Variants in VPS72 observed in about 807,000 individuals in gnomAD.
VPS72 encodes vacuolar protein sorting 72 homolog.
Under a neutral mutation model 38.9 loss-of-function variants are expected in VPS72, and 27 were observed. The ratio of observed to expected loss-of-function variants is 0.69; its 90% CI spans 0.51 to 0.96. VPS72 has a LOEUF of 0.96. Ranked by LOEUF, VPS72 falls within the 40% of genes least tolerant of loss-of-function variation. The pLI is 0.00. For missense variants in VPS72, 360 were observed against 479.5 expected (o/e 0.75, Z 2.33); for synonymous variants, 173 against 186.3 (o/e 0.93, Z 0.58).
intron 4 of VPS72, among the ~76,000 whole-genome samples, chr1:151,179,883 C>T (rs1684201740): frequency 6.6e-6 from 1 of 151,756 alleles, no homozygotes. Context: ...AAGAGTGAAA[C>T]TCCATCTCCA....
chr1:151,184,590 CTTTTTTTTT>C lies in VPS72; in HGVS notation c.386-106_386-98del. On this transcript the variant is annotated intron_variant, in intron 3 of 5. Coordinates refer to ENST00000368892, the MANE Select transcript of VPS72 (RefSeq NM_005997.3). ...TTGTACTTGGAAATAATTTTTTTTTCTTTTTTTTTTTTTGAGATGGAATCTCGCTCTGTC... is the reference window on the plus strand; with the variant it reads ...TTGTACTTGGAAATAATTTTTTTTTCTTTTGAGATGGAATCTCGCTCTGTC... 9 of 1,019,034 alleles carry C rather than the reference CTTTTTTTTT, an allele frequency of 8.8e-6. No individual in the cohort carries two copies. The South Asian group carries it at 1.9e-4, about 21-fold the overall frequency. 63.1% of individuals were successfully genotyped at this position (1,019,034 alleles called of 1,614,324 possible).
chr1:151,183,421 C>CAAA (rs769884773), intron 4 of VPS72, among the ~76,000 whole-genome samples: 73 of 50,776 alleles, frequency 1.4e-3, no homozygotes, highest in Middle Eastern at 0.014. Context: ...GACTCTGTCT[C>CAAA]AAAAAAAAAA....
intron 5 of VPS72, among the ~76,000 whole-genome samples, chr1:151,177,690 C>G (rs1345864897): frequency 6.6e-6 from 1 of 151,830 alleles, no homozygotes; most frequent in Non-Finnish European, 1.5e-5. Flanking sequence ...ACCGTCTCTA[C>G]AAAAAATACA....
chr1:151,187,977 G>A (rs1051233256), intron 1 of VPS72, among the ~76,000 whole-genome samples: 6 of 151,942 alleles, frequency 3.9e-5, no homozygotes, highest in African/African-American at 9.7e-5. Context: ...CTTAGAGGAG[G>A]GATGAGAAAG....
intron 4 of VPS72, among the ~76,000 whole-genome samples, chr1:151,179,339 C>T (rs1194434312): frequency 6.6e-6 from 1 of 152,040 alleles, no homozygotes; most frequent in African/African-American, 2.4e-5. Context: ...GTGGCTCACA[C>T]CTGTAACCCC....
chr1:151,176,886 T>C lies in VPS72; in HGVS notation c.853A>G (p.Lys285Glu), dbSNP rs766627913. The stretch of plus-strand genomic sequence containing the variant: ...GGACAGACCTCACGAACAGGGACTT[T>C]TGGGGGCCGCCCTTGGGGGAACCAT... ...EEWFPQGRPP[K>E]VPVREVCPVT... Residue 285 changes from lysine (K) to glutamate (E), a missense_variant, in exon 6 of 6, where the codon AAA becomes GAA. Around this residue, in one of 2 missense-constraint regions of VPS72, gnomAD observed 294 missense variants for 356.3 expected, o/e 0.83. Coordinates refer to ENST00000368892, the MANE Select transcript of VPS72 (RefSeq NM_005997.3). 1.4e-5 allele frequency: 22 copies of C among 1,614,036 alleles called. No homozygotes were observed. Among genetic ancestry groups the C allele is most frequent in the Non-Finnish European group, 1.8e-5 (21 of 1,180,030 alleles).
intron 1 of VPS72, 33 bp downstream of exon 1, chr1:151,189,972 C>T (rs1684430439): frequency 6.2e-7 from 1 of 1,610,890 alleles, no homozygotes; most frequent in Non-Finnish European, 8.5e-7. Flanking sequence ...CTCTTTGCCT[C>T]CTCCCCTCCC....
rs1226215573 is a variant in VPS72, at chr1:151,176,550, C to A, written c.*94G>T. On this transcript the variant is annotated 3_prime_UTR_variant, in exon 6 of 6. Coordinates refer to ENST00000368892, the MANE Select transcript of VPS72 (RefSeq NM_005997.3). ...AAAAAGAAACAGATTAGGCAAAGAT[C>A]AGAGATGACAAAGGGGAGAAGCAGG... 6 of 1,516,532 alleles carry A rather than the reference C, an allele frequency of 4.0e-6. No individual in the cohort carries two copies. The highest frequency in any genetic ancestry group is 1.4e-5 in the African/African-American group (1 of 71,710). The allele number at this position is 1,516,532 out of a possible 1,614,324, so 93.9% of individuals were successfully genotyped here. A position where few individuals can be genotyped will look rare whatever the true frequency, so the allele number is the denominator to read the frequency against.
intron 3 of VPS72, 120 bp downstream of exon 3, chr1:151,185,386 A>G: frequency 1.0e-6 from 1 of 970,650 alleles, no homozygotes; most frequent in South Asian, 1.4e-5. Flanking sequence ...TAGGCCTCCC[A>G]AAGTGCTGGG....
chr1:151,185,976 G>A, intron 1 of VPS72, 26 bp from the exon 2 acceptor site: 1 of 1,611,302 alleles, frequency 6.2e-7, no homozygotes, highest in Non-Finnish European at 8.5e-7. Flanking sequence ...GATAAGGGTT[G>A]GCTGGCAATG....
Position 151,184,328 on chromosome 1 carries a change from A to T in VPS72, c.551T>A (p.Leu184Ter), listed in dbSNP as rs1202703525. ...AACCACAGACTTACCCAGTGACCGT[A>T]AATTAAGCTCTTCTGTGATCTTGGC... is the stretch of plus-strand genomic sequence containing the variant. ...REAKITEELNLRSLETYERLE... is the reference protein window; with the variant it reads ...REAKITEELN The change falls in exon 4 of 6, where the codon TTA becomes TAA. Residue 184 changes from leucine (L) to a stop codon, truncating the protein, a stop_gained. Transcript: ENST00000368892. LOFTEE classifies it high-confidence loss of function. The T allele has an allele frequency of 1.2e-5, 20 of 1,613,894 alleles. No individual in the cohort carries two copies. Among genetic ancestry groups the T allele is most frequent in the Non-Finnish European group, 1.5e-5 (18 of 1,179,996 alleles).
chr1:151,178,968 A>G (rs189992017), intron 4 of VPS72, among the ~76,000 whole-genome samples: 222 of 152,324 alleles, frequency 1.5e-3, no homozygotes, highest in Middle Eastern at 3.4e-3. Context: ...ACAGGCACTC[A>G]TTAAATATTT....
intron 1 of VPS72, 109 bp downstream of exon 1, chr1:151,189,896 C>T (rs1327049028): frequency 3.1e-6 from 4 of 1,292,512 alleles, no homozygotes; most frequent in Non-Finnish European, 4.4e-6. Flanking sequence ...CGAGTATCAG[C>T]TCCCAGAGCT....
chr1:151,184,264 T>A, intron 4 of VPS72, 53 bp downstream of exon 4: 1 of 1,584,046 alleles, frequency 6.3e-7, no homozygotes, highest in Admixed American at 1.8e-5. Flanking sequence ...TCTCATGGTT[T>A]TTCTCATGCC....
At chr1:151,184,269 C>G in intron 4 of VPS72, 48 bp downstream of exon 4, 1 of 1,585,682 alleles carries the variant, frequency 6.3e-7, no homozygotes. Flanking sequence ...TGGTTTTTCT[C>G]ATGCCCCTCA....
chr1:151,181,987 G>A (rs1197645376), intron 4 of VPS72, among the ~76,000 whole-genome samples: 2 of 152,168 alleles, frequency 1.3e-5, no homozygotes, highest in African/African-American at 4.8e-5. Flanking sequence ...CCAAAGTGCT[G>A]GGATTACAGG....
At chr1:151,189,564 G>T (rs949187943) in intron 1 of VPS72, among the ~76,000 whole-genome samples, 2 of 152,168 alleles carry the variant, frequency 1.3e-5, no homozygotes, top group Admixed American at 6.5e-5. Flanking sequence ...AGCTGAAAAA[G>T]AAGTGGGCTA....
intron 1 of VPS72, among the ~76,000 whole-genome samples, chr1:151,188,277 C>T (rs969406901): frequency 2.6e-5 from 4 of 151,928 alleles, no homozygotes; most frequent in African/African-American, 9.7e-5. Flanking sequence ...ACCTCGTGAT[C>T]CACCCGCCTC....
chr1:151,189,051 G>C (rs1215643508), intron 1 of VPS72, among the ~76,000 whole-genome samples: 1 of 152,070 alleles, frequency 6.6e-6, no homozygotes, highest in Non-Finnish European at 1.5e-5. Flanking sequence ...GGATGGTCTC[G>C]ATTTCCTGAC....
Sources: allele counts gnomAD v4.1 joint callset (sites outside exome capture counted in the v4.1 genomes callset), GRCh38; gene constraint gnomAD v4.1.1; regional missense constraint gnomAD v4.1.1; transcripts MANE v1.5; gene names NCBI Gene and HGNC (gene_info 2026-07-23, HGNC 2026-07-21).